HPSE2: variants seen among roughly 807,000 people sequenced by gnomAD.
HPSE2 encodes the protein heparanase 2 (inactive), also known as inactive heparanase-2.
Under a neutral mutation model 60.5 loss-of-function variants are expected in HPSE2, and 38 were observed. The observed-to-expected ratio is 0.63, with a 90% confidence interval of 0.48 to 0.82. The LOEUF is 0.82. HPSE2 is among the 40% of genes least tolerant of loss of function. The probability of loss-of-function intolerance (pLI) is 0.00; values close to 1 mark genes in which losing one functional copy is unlikely to be tolerated. For missense variants in HPSE2, 713 were observed against 740.4 expected (o/e 0.96, Z 0.43); for synonymous variants, 295 against 293.2 (o/e 1.01, Z -0.06).
intron 3 of HPSE2, among the ~76,000 whole-genome samples, chr10:98,878,237 A>G (rs961485659): frequency 6.6e-6 from 1 of 152,006 alleles, no homozygotes; most frequent in African/African-American, 2.4e-5. Flanking sequence ...TAGCCAATGT[A>G]CAGAATGCTA....
the HPSE2 span, among the ~76,000 whole-genome samples, chr10:99,262,560 C>T: frequency 6.6e-6 from 1 of 152,140 alleles, no homozygotes; most frequent in Admixed American, 6.5e-5. Flanking sequence ...ATCACCCTTA[C>T]CCTGCTTAAT....
intron 9 of HPSE2, among the ~76,000 whole-genome samples, chr10:98,607,638 G>A (rs1487587225): frequency 6.6e-6 from 1 of 152,112 alleles, no homozygotes; most frequent in African/African-American, 2.4e-5. Context: ...TCAAGTGAAG[G>A]AATCATAGTT....
intron 3 of HPSE2, among the ~76,000 whole-genome samples, chr10:98,767,610 G>C (rs988660663): frequency 7.6e-6 from 1 of 131,186 alleles, no homozygotes; most frequent in East Asian, 2.0e-4. Context: ...ACTATAACAT[G>C]TATAGTATAT....
chr10:98,600,924 T>TATATATATATATATATA (rs1565003098), intron 9 of HPSE2, among the ~76,000 whole-genome samples: 1 of 45,652 alleles, frequency 2.2e-5, no homozygotes, highest in African/African-American at 4.1e-5. Flanking sequence ...TATATATATA[T>TATATATATATATATATA]ATATATATAT....
intron 3 of HPSE2, among the ~76,000 whole-genome samples, chr10:98,757,325 A>C (rs1407376451): frequency 1.3e-5 from 2 of 152,146 alleles, no homozygotes; most frequent in Non-Finnish European, 2.9e-5. Flanking sequence ...TGGAAGTCCT[A>C]GTCAGAGCAA....
rs559718649 is a variant in HPSE2 at position 98,868,316 on chromosome 10, G to C, written c.611-124260C>G. The stretch of plus-strand genomic sequence containing the variant: ...CAAAACAATTAAATTCATGGAGATA[G>C]AGAATAGAAGGATAATTGCCAGAGA... On this transcript the variant is annotated intron_variant, in intron 3 of 11. Transcript: ENST00000370552. Among the ~76,000 whole-genome samples, 13 of 152,102 alleles carry C rather than the reference G, an allele frequency of 8.5e-5. 1 individual carries two copies. In the South Asian group the frequency reaches 1.0e-3, roughly 12 times the overall value.
At chr10:98,540,208 C>T (rs1402607364) in intron 9 of HPSE2, among the ~76,000 whole-genome samples, 1 of 152,176 alleles carries the variant, frequency 6.6e-6, no homozygotes, top group Non-Finnish European at 1.5e-5. Flanking sequence ...AAATGTGTTG[C>T]CTGAAGAAAC....
At chr10:99,038,726 C>G (rs1452312972) in intron 3 of HPSE2, among the ~76,000 whole-genome samples, 1 of 152,092 alleles carries the variant, frequency 6.6e-6, no homozygotes, top group East Asian at 1.9e-4. Context: ...ATGTAACTAA[C>G]TCGGGAAGCC....
intron 2 of HPSE2, among the ~76,000 whole-genome samples, chr10:99,225,122 CATAA>C (rs1336491003): frequency 5.9e-5 from 9 of 152,032 alleles, no homozygotes; most frequent in Non-Finnish European, 2.9e-5. Flanking sequence ...ATAAAATAAA[CATAA>C]ATAAAACTTC....
intron 2 of HPSE2, among the ~76,000 whole-genome samples, chr10:99,217,151 C>T (rs567806838): frequency 6.6e-6 from 1 of 151,500 alleles, no homozygotes; most frequent in Non-Finnish European, 1.5e-5. Flanking sequence ...TTCTGCCTTT[C>T]GGTGAACATT....
chr10:98,941,053 C>G (rs181340883), intron 3 of HPSE2, among the ~76,000 whole-genome samples: 1 of 139,082 alleles, frequency 7.2e-6, no homozygotes, highest in Non-Finnish European at 1.5e-5. Flanking sequence ...CTAAAACTCT[C>G]AATAAATTAG....
chr10:98,688,042 G>A (rs551363090), intron 6 of HPSE2, among the ~76,000 whole-genome samples: 41 of 151,832 alleles, frequency 2.7e-4, no homozygotes, highest in African/African-American at 9.7e-4. Context: ...CTTTTTTGAG[G>A]TTAATTCAGT....
At chr10:98,799,232 G>A (rs1950850143) in intron 3 of HPSE2, among the ~76,000 whole-genome samples, 1 of 152,158 alleles carries the variant, frequency 6.6e-6, no homozygotes, top group Non-Finnish European at 1.5e-5. Flanking sequence ...TTCTGCAAGA[G>A]GATATAACAA....
intron 5 of HPSE2, among the ~76,000 whole-genome samples, chr10:98,706,804 A>G (rs1286978199): frequency 2.0e-5 from 3 of 152,204 alleles, no homozygotes; most frequent in Non-Finnish European, 4.4e-5. Context: ...TCAGATCACT[A>G]GGAGCTACCC....
chr10:99,263,989 C>T, the HPSE2 span, among the ~76,000 whole-genome samples: 486 of 152,268 alleles, frequency 3.2e-3, 1 homozygote, highest in Non-Finnish European at 5.6e-3. Context: ...CTCTTATTCT[C>T]GTTCCCATTC....
At chr10:98,976,704 C>A (rs182936612) in intron 3 of HPSE2, among the ~76,000 whole-genome samples, 10 of 150,300 alleles carry the variant, frequency 6.7e-5, no homozygotes, top group African/African-American at 2.5e-4. Context: ...CTCATAAAAA[C>A]GGACTGACAA....
At chr10:98,950,438 A>G (rs1955322698) in intron 3 of HPSE2, among the ~76,000 whole-genome samples, 1 of 152,174 alleles carries the variant, frequency 6.6e-6, no homozygotes, top group Non-Finnish European at 1.5e-5. Flanking sequence ...CAAGTGTTAG[A>G]GTCATTGAAA....
intron 3 of HPSE2, among the ~76,000 whole-genome samples, chr10:98,956,632 G>C (rs1166047795): frequency 1.3e-5 from 2 of 152,142 alleles, no homozygotes; most frequent in Non-Finnish European, 2.9e-5. Context: ...ACAACAGATA[G>C]AGAAGAGGAG....
At chr10:99,086,346 C>CTTTTTTTTTTTTT (rs66562418) in intron 3 of HPSE2, among the ~76,000 whole-genome samples, 6 of 82,998 alleles carry the variant, frequency 7.2e-5, no homozygotes, top group African/African-American at 2.3e-4. Flanking sequence ...AAAGTACTTT[C>CTTTTTTTTTTTTT]TTTTTTTTTT....
Sources: allele counts gnomAD v4.1 joint callset (sites outside exome capture counted in the v4.1 genomes callset), GRCh38; gene constraint gnomAD v4.1.1; transcripts MANE v1.5; gene names NCBI Gene and HGNC (gene_info 2026-07-23, HGNC 2026-07-21).